Variants in ITGA1 observed in about 807,000 individuals in gnomAD.
The protein encoded by ITGA1 is integrin subunit alpha 1.
ITGA1 carries 85 observed loss-of-function variants against 145.9 expected under a neutral mutation model. That is an observed-to-expected ratio of 0.58 (90% CI 0.49 to 0.70). The LOEUF is 0.70. Among genes scored for constraint, ITGA1 ranks in the 30% least tolerant of loss-of-function variants. ITGA1 has a pLI of 0.00. For synonymous variants in ITGA1, 520 were observed against 495.3 expected (o/e 1.05, Z -0.66); for missense variants, 1,351 against 1,418.7 (o/e 0.95, Z 0.77).
chr5:52,893,849 A>G lies in ITGA1; in HGVS notation c.1090+9A>G, dbSNP rs1376700105. 9 of 1,596,460 alleles carry G rather than the reference A, an allele frequency of 5.6e-6. No individual in the cohort carries two copies. Among genetic ancestry groups the G allele is most frequent in the Non-Finnish European group, 7.7e-6 (9 of 1,167,334 alleles). ...AATATTTGCCCTGGAAGGTATGTCTATTTATCTTATTGCTGCATGTTCTCT... is the reference window on the plus strand; with the variant it reads ...AATATTTGCCCTGGAAGGTATGTCTGTTTATCTTATTGCTGCATGTTCTCT... On this transcript the variant is annotated intron_variant, in intron 9 of 28. Transcript: ENST00000282588.
chr5:52,799,330 T>C (rs543905810), intron 1 of ITGA1, among the ~76,000 whole-genome samples: 1 of 152,316 alleles, frequency 6.6e-6, no homozygotes, highest in Admixed American at 6.5e-5. Context: ...TTTTCCCCAC[T>C]TCCCATAGCC....
At chr5:52,949,475 T>C (rs1487863916) in intron 28 of ITGA1, among the ~76,000 whole-genome samples, 1 of 152,146 alleles carries the variant, frequency 6.6e-6, no homozygotes, top group Non-Finnish European at 1.5e-5. Flanking sequence ...TTAACTACAT[T>C]TTACACCTGA....
In ITGA1 at chr5:52,937,490, C is replaced by T. The variant is rs1750987961; in HGVS notation, c.3054C>T (p.Tyr1018=). 6.2e-7 allele frequency: 1 copy of T among 1,608,758 alleles called. No homozygotes were observed. The highest frequency in any genetic ancestry group is 1.7e-5 in the Admixed American group (1 of 60,010). The change falls in exon 24 of 29, where the codon TAC becomes TAT. Residue 1018 remains tyrosine, a synonymous_variant. Transcript: ENST00000282588. ...CATCAAATGGTTACCCTGTGCTGTACCCAACTGGATTGTCATCTTCTGAGG... is the reference window on the plus strand; with the variant it reads ...CATCAAATGGTTACCCTGTGCTGTATCCAACTGGATTGTCATCTTCTGAGG... ...NMTSNGYPVL[Y]PTGLSSSENA...
chr5:52,915,136 G>A (rs1473828425), intron 14 of ITGA1, among the ~76,000 whole-genome samples: 2 of 152,126 alleles, frequency 1.3e-5, no homozygotes, highest in Non-Finnish European at 1.5e-5. Context: ...AGATATGTCT[G>A]TGTGATGGGA....
At chr5:52,936,535 A>G (rs2111895080) in intron 23 of ITGA1, among the ~76,000 whole-genome samples, 1 of 152,276 alleles carries the variant, frequency 6.6e-6, no homozygotes, top group South Asian at 2.1e-4. Flanking sequence ...TTCCCTACCC[A>G]GCTAAAGAAG....
intron 1 of ITGA1, among the ~76,000 whole-genome samples, chr5:52,831,353 C>T (rs186760254): frequency 2.0e-5 from 3 of 152,004 alleles, no homozygotes; most frequent in Admixed American, 2.0e-4. Flanking sequence ...AGGCTGGTCT[C>T]GAACTCCTGA....
At chr5:52,843,276 CTA>C (rs1561224809) in intron 1 of ITGA1, among the ~76,000 whole-genome samples, 1 of 152,048 alleles carries the variant, frequency 6.6e-6, no homozygotes, top group Non-Finnish European at 1.5e-5. Flanking sequence ...AATGTTAATT[CTA>C]TGATTTCTCC....
chr5:52,935,112 C>G (rs891350505), intron 23 of ITGA1, among the ~76,000 whole-genome samples: 2 of 151,970 alleles, frequency 1.3e-5, no homozygotes, highest in Admixed American at 1.3e-4. Flanking sequence ...TAGGTACTCT[C>G]TCTTATAAAA....
chr5:52,937,059 AAAAG>A (rs199916884), intron 23 of ITGA1, among the ~76,000 whole-genome samples: 9,474 of 141,880 alleles, frequency 0.067, 508 homozygotes, highest in Admixed American at 0.18. Flanking sequence ...AAAAAAAAAA[AAAAG>A]AAAGAAAAAG....
At chr5:52,820,193 A>G (rs1748853549) in intron 1 of ITGA1, among the ~76,000 whole-genome samples, 1 of 152,038 alleles carries the variant, frequency 6.6e-6, no homozygotes, top group African/African-American at 2.4e-5. Context: ...CTATGCAGTC[A>G]TAAAAAATGA....
rs371197555 is a variant in ITGA1, at chr5:52,808,919, ATGTCACCTACTTTT to A, written c.61+20515_61+20528del. Among the ~76,000 whole-genome samples, 329 of 152,078 alleles carry A rather than the reference ATGTCACCTACTTTT, an allele frequency of 2.2e-3. 1 individual carries two copies. Among genetic ancestry groups the A allele is most frequent in the African/African-American group, 7.8e-3 (324 of 41,490 alleles). ...TTCCTGTTTGATATATCTGATTCCA[ATGTCACCTACTTTT>A]TGTCACCTATTCATATTGAGTCATT... On this transcript the variant is annotated intron_variant, in intron 1 of 28. Transcript: ENST00000282588.
In ITGA1 at chr5:52,910,257, G is replaced by C; in HGVS notation, c.1695G>C (p.Glu565Asp). The C allele has an allele frequency of 1.9e-6, 3 of 1,613,966 alleles. No homozygotes were observed. The highest frequency in any genetic ancestry group is 2.5e-6 in the Non-Finnish European group (3 of 1,179,942). The change falls in exon 14 of 29, where the codon GAG (glutamate) becomes GAC (aspartate). Residue 565 changes from glutamate to aspartate, a missense_variant. By Grantham distance (45) the Glu-to-Asp change is conservative. Transcript: ENST00000282588. ...HNSCTTENKN[E>D]PCGARFGTAI... ...CATGCACAACAGAAAACAAAAATGA[G>C]CCATGCGGGGCTCGTTTTGGAACTG...
intron 1 of ITGA1, among the ~76,000 whole-genome samples, chr5:52,808,426 A>G (rs1748629243): frequency 6.6e-6 from 1 of 152,162 alleles, no homozygotes; most frequent in East Asian, 1.9e-4. Flanking sequence ...CAGAGATAGG[A>G]GGTCCTTCTG....
At chr5:52,831,192 A>G (rs1334990829) in intron 1 of ITGA1, among the ~76,000 whole-genome samples, 1 of 151,960 alleles carries the variant, frequency 6.6e-6, no homozygotes, top group African/African-American at 2.4e-5. Context: ...ATGGGCAATA[A>G]CGAAATCTTG....
At chr5:52,939,024 T>C (rs1031971669) in intron 24 of ITGA1, among the ~76,000 whole-genome samples, 1 of 152,098 alleles carries the variant, frequency 6.6e-6, no homozygotes, top group African/African-American at 2.4e-5. Flanking sequence ...TGCCTCAGAC[T>C]CCCAAGTAGC....
intron 16 of ITGA1, among the ~76,000 whole-genome samples, chr5:52,919,392 A>G (rs986033337): frequency 6.6e-5 from 10 of 152,238 alleles, no homozygotes; most frequent in African/African-American, 2.2e-4. Flanking sequence ...TCCGAGAGTC[A>G]GACTTGTTCT....
rs1308959413 is a variant in ITGA1 at position 52,865,090 on chromosome 5, T to A, written c.496+8T>A. ...CCATTGCCCCTGTACAAGGTACAGA[T>A]TTTATGCAATGTTCTTGCATGTTTG... On this transcript the variant is annotated splice_region_variant and intron_variant, in intron 5 of 28. Transcript: ENST00000282588. The A allele has an allele frequency of 6.3e-7, 1 of 1,577,548 alleles. No homozygotes were observed. Among genetic ancestry groups the A allele is most frequent in the African/African-American group, 1.4e-5 (1 of 73,866 alleles).
intron 1 of ITGA1, among the ~76,000 whole-genome samples, chr5:52,795,684 G>T (rs1748327210): frequency 6.6e-6 from 1 of 151,850 alleles, no homozygotes; most frequent in African/African-American, 2.4e-5. Flanking sequence ...ATGTTAAAAT[G>T]AGCTCTTGTC....
At chr5:52,898,411 G>A (rs1437471362) in intron 11 of ITGA1, 28 bp downstream of exon 11, 1 of 1,549,520 alleles carries the variant, frequency 6.5e-7, no homozygotes. Flanking sequence ...TTATAAAAGA[G>A]TTGTTTTACT....
Sources: gnomAD v4.1 joint callset for allele counts (sites outside exome capture counted in the v4.1 genomes callset) on GRCh38, gnomAD v4.1.1 for gene constraint, MANE v1.5 for transcripts, NCBI Gene and HGNC (gene_info 2026-07-23, HGNC 2026-07-21) for gene names.